EFHC1: variants seen among roughly 807,000 people sequenced by gnomAD.
EFHC1 encodes the protein EF-hand domain containing 1, also known as EF-hand domain-containing protein 1.
A neutral mutation model predicts 69.9 loss-of-function variants in EFHC1; 53 were observed. The ratio of observed to expected loss-of-function variants is 0.76; its 90% CI spans 0.61 to 0.95. The LOEUF (loss-of-function observed/expected upper bound fraction) is 0.95. EFHC1 is among the 40% of genes least tolerant of loss of function. The pLI is 0.00. For synonymous variants in EFHC1, 256 were observed against 278.4 expected (o/e 0.92, Z 0.80); for missense variants, 739 against 798.7 (o/e 0.93, Z 0.90).
chr6:52,464,264 T>C (rs754035137), intron 5 of EFHC1, among the ~76,000 whole-genome samples: 2 of 152,230 alleles, frequency 1.3e-5, no homozygotes, highest in Non-Finnish European at 2.9e-5. Flanking sequence ...ATGAATGGAT[T>C]ATTGTCATCA....
At chr6:52,421,823 T>C (rs1764197058) in intron 1 of EFHC1, among the ~76,000 whole-genome samples, 1 of 152,260 alleles carries the variant, frequency 6.6e-6, no homozygotes, top group South Asian at 2.1e-4. Context: ...TTGCCTGCCC[T>C]ATACAGGATG....
At position 52,493,710 on chromosome 6, in the gene EFHC1, G is replaced by A; in HGVS notation, c.*1369G>A. 1 of 453,874 alleles carries A rather than the reference G, an allele frequency of 2.2e-6. No homozygotes were observed. Among genetic ancestry groups the A allele is most frequent in the Non-Finnish European group, 4.4e-6 (1 of 226,746 alleles). The allele number at this position is 453,874 out of a possible 1,614,324, so 28.1% of individuals were successfully genotyped here. ...TTTAGAGAGCCTGGCCTTGAGAGAG[G>A]AAGGAAAGACTAGTTGCAGTTACTA... On this transcript the variant is annotated 3_prime_UTR_variant, in exon 11 of 11. Transcript: ENST00000371068.
chr6:52,465,098 C>A lies in EFHC1; in HGVS notation c.1120C>A (p.Pro374Thr). ...ACGTATTGATGTGAGCAAGCGGGAA[C>A]CACCTCCAGTAAAACAGGTAATCAG... The part of the protein sequence containing the change: ...LPRIDVSKRE[P>T]PPVKQELPPY... Residue 374 changes from proline (P) to threonine (T), a missense_variant, in exon 6 of 11, where the codon CCA (proline) becomes ACA (threonine). Transcript: ENST00000371068. 6.2e-7 allele frequency: 1 copy of A among 1,613,702 alleles called. No homozygotes were observed. Among genetic ancestry groups the A allele is most frequent in the South Asian group, 1.1e-5 (1 of 91,076 alleles).
chr6:52,458,679 G>A lies in EFHC1; in HGVS notation c.916+4392G>A, dbSNP rs868741593. Among the ~76,000 whole-genome samples the A allele has an allele frequency of 2.4e-4, 36 of 152,198 alleles. 1 individual carries two copies. The highest frequency in any genetic ancestry group is 8.0e-4 in the African/African-American group (33 of 41,434). On this transcript the variant is annotated intron_variant, in intron 5 of 10. Transcript: ENST00000371068. ...AATGCTTATCACTGTTGGTGGGAAT[G>A]TGAACTAGTTCAGCCCCTGAGGAAA...
intron 3 of EFHC1, among the ~76,000 whole-genome samples, chr6:52,440,502 A>G (rs1414293043): frequency 6.6e-6 from 1 of 152,100 alleles, no homozygotes; most frequent in African/African-American, 2.4e-5. Flanking sequence ...ATGTATGTGT[A>G]TATGTATCAC....
intron 9 of EFHC1, chr6:52,485,469 C>T (rs557095043): frequency 1.3e-5 from 2 of 151,926 alleles, no homozygotes; most frequent in African/African-American, 4.8e-5. Flanking sequence ...TTGGCCCCAG[C>T]AAGCTATGGT....
chr6:52,435,459 A>G (rs185760798), intron 2 of EFHC1, among the ~76,000 whole-genome samples: 1 of 152,266 alleles, frequency 6.6e-6, no homozygotes, highest in African/African-American at 2.4e-5. Context: ...TCTAAAATCA[A>G]ACTCACCATC....
chr6:52,440,030 T>G (rs1334519857), intron 3 of EFHC1, among the ~76,000 whole-genome samples: 2 of 152,148 alleles, frequency 1.3e-5, no homozygotes, highest in African/African-American at 4.8e-5. Context: ...ATTTGAACAT[T>G]TGCAAGTTAA....
At position 52,496,970 on chromosome 6, in the gene EFHC1, T is replaced by C. The variant is rs1194685196; in HGVS notation, c.*4629T>C. 6.6e-6 allele frequency: 1 copy of C among 152,216 alleles called. No individual in the cohort carries two copies. The highest frequency in any genetic ancestry group is 1.5e-5 in the Non-Finnish European group (1 of 68,042). The allele number at this position is 152,216 out of a possible 1,614,324, so 9.4% of individuals were successfully genotyped here. On this transcript the variant is annotated 3_prime_UTR_variant, in exon 11 of 11. Coordinates refer to ENST00000371068, the MANE Select transcript of EFHC1 (RefSeq NM_018100.4). ...AAGTGACACCAGCAATCCCCACTAT[T>C]ACTAATACTTGGATGTCTTCTAGTC...
At chr6:52,471,969 G>T (rs555972841) in intron 7 of EFHC1, among the ~76,000 whole-genome samples, 2 of 151,640 alleles carry the variant, frequency 1.3e-5, no homozygotes, top group South Asian at 4.2e-4. Context: ...ATAAGATTGA[G>T]AATTTCAGCA....
chr6:52,451,833 A>G (rs549721535), intron 3 of EFHC1, among the ~76,000 whole-genome samples: 2 of 152,334 alleles, frequency 1.3e-5, no homozygotes, highest in African/African-American at 4.8e-5. Context: ...CTGGTCTAAT[A>G]TAACCAGTGG....
At chr6:52,470,232 A>G (rs1240251894) in intron 7 of EFHC1, among the ~76,000 whole-genome samples, 1 of 152,224 alleles carries the variant, frequency 6.6e-6, no homozygotes. Flanking sequence ...TTAGAAAACG[A>G]TTGCACAAAG....
chr6:52,423,805 C>G (rs1764242086), intron 1 of EFHC1, 141 bp from the exon 2 acceptor site: 1 of 1,534,720 alleles, frequency 6.5e-7, no homozygotes, highest in Admixed American at 2.0e-5. Context: ...CATGCCCAGC[C>G]TTAATGTTGG....
Position 52,438,536 on chromosome 6 carries a change from A to G in EFHC1, c.518A>G (p.Asn173Ser). 6.2e-7 allele frequency: 1 copy of G among 1,614,106 alleles called. No homozygotes were observed. Among genetic ancestry groups the G allele is most frequent in the Non-Finnish European group, 8.5e-7 (1 of 1,179,984 alleles). ...TGGAAAGACCTAAATCGAGGAATAAACATCACAATTTATGGCAAAACTTTC... is the reference window on the plus strand; with the variant it reads ...TGGAAAGACCTAAATCGAGGAATAAGCATCACAATTTATGGCAAAACTTTC... ...YHWKDLNRGI[N>S]ITIYGKTFRV... The change falls in exon 3 of 11, where the codon AAC becomes AGC. Residue 173 changes from asparagine (N) to serine (S), a missense_variant. Coordinates refer to ENST00000371068, the MANE Select transcript of EFHC1 (RefSeq NM_018100.4).
intron 9 of EFHC1, chr6:52,486,992 T>A (rs915876627): frequency 6.6e-6 from 1 of 152,140 alleles, no homozygotes; most frequent in African/African-American, 2.4e-5. Context: ...GAGCTCATAA[T>A]CTAGAGCAAG....
rs748728798 is a variant in EFHC1, at chr6:52,454,216, A to G, written c.845A>G (p.Asn282Ser). The G allele has an allele frequency of 1.2e-6, 2 of 1,614,180 alleles. No individual in the cohort carries two copies. The highest frequency in any genetic ancestry group is 8.5e-7 in the Non-Finnish European group (1 of 1,180,016). The stretch of plus-strand genomic sequence containing the variant: ...GAAATTCGAGAGGTCCACGAACGGA[A>G]TGATGGGAGAGATCCTTTCCCACTC... ...TVEIREVHER[N>S]DGRDPFPLLM... The change falls in exon 5 of 11, where the codon AAT becomes AGT. Residue 282 changes from asparagine (N) to serine (S), a missense_variant. By Grantham distance (46) the Asn-to-Ser change is conservative. Coordinates refer to ENST00000371068, the MANE Select transcript of EFHC1 (RefSeq NM_018100.4).
chr6:52,436,378 A>ATT (rs371447241), intron 2 of EFHC1, among the ~76,000 whole-genome samples: 3 of 144,312 alleles, frequency 2.1e-5, no homozygotes, highest in Non-Finnish European at 3.0e-5. Flanking sequence ...TACGCTACCC[A>ATT]TTTTTTTTTT....
Position 52,492,704 on chromosome 6 carries a change from T to A in EFHC1, c.*363T>A, listed in dbSNP as rs1291387356. The A allele has an allele frequency of 2.3e-6, 1 of 439,864 alleles. No homozygotes were observed. Among genetic ancestry groups the A allele is most frequent in the Non-Finnish European group, 4.5e-6 (1 of 221,732 alleles). 27.2% of individuals were successfully genotyped at this position (439,864 alleles called of 1,614,324 possible). On this transcript the variant is annotated 3_prime_UTR_variant, in exon 11 of 11. Transcript: ENST00000371068. ...ATCCTAGTTCTATGAAGCCTCAGAC[T>A]CCTGGGCTCAAGTGATCCTCCCACT...
intron 7 of EFHC1, among the ~76,000 whole-genome samples, chr6:52,471,386 C>G (rs780135371): frequency 2.0e-5 from 3 of 152,206 alleles, no homozygotes; most frequent in Non-Finnish European, 4.4e-5. Context: ...AACAAATTCT[C>G]TGCAGATGAC....
Sources: allele counts gnomAD v4.1 joint callset (sites outside exome capture counted in the v4.1 genomes callset), GRCh38; gene constraint gnomAD v4.1.1; transcripts MANE v1.5; gene names NCBI Gene and HGNC (gene_info 2026-07-23, HGNC 2026-07-21).